ARMC8: variants seen among roughly 807,000 people sequenced by gnomAD.
ARMC8 encodes the protein armadillo repeat containing 8.
ARMC8 carries 20 observed loss-of-function variants against 99.3 expected under a neutral mutation model. The observed-to-expected ratio is 0.20, with a 90% confidence interval of 0.14 to 0.29. The LOEUF (loss-of-function observed/expected upper bound fraction) is 0.29. ARMC8 is among the 10% of genes least tolerant of loss of function. The pLI is 1.00. For missense variants in ARMC8, 569 were observed against 809.5 expected (o/e 0.70, Z 3.60); for synonymous variants, 263 against 278.3 (o/e 0.95, Z 0.55).
At chr3:138,207,102 G>T (rs561679170) in intron 1 of ARMC8, among the ~76,000 whole-genome samples, 1 of 152,262 alleles carries the variant, frequency 6.6e-6, no homozygotes, top group South Asian at 2.1e-4. Context: ...TTGTTTACTT[G>T]TATTGGCTTT....
intron 1 of ARMC8, among the ~76,000 whole-genome samples, chr3:138,191,024 A>G (rs184572642): frequency 1.3e-5 from 2 of 152,362 alleles, no homozygotes; most frequent in East Asian, 1.9e-4. Context: ...AAGTTCAAGG[A>G]TAAGTAAGAA....
At chr3:138,195,280 G>A (rs370800243) in intron 1 of ARMC8, among the ~76,000 whole-genome samples, 15 of 138,830 alleles carry the variant, frequency 1.1e-4, no homozygotes, top group African/African-American at 3.8e-4. Flanking sequence ...GCGAGACTCC[G>A]TCTCAAAAAA....
At chr3:138,206,226 C>G (rs2044364496) in intron 1 of ARMC8, among the ~76,000 whole-genome samples, 2 of 152,170 alleles carry the variant, frequency 1.3e-5, no homozygotes, top group South Asian at 4.1e-4. Context: ...AGTTCCAAAT[C>G]ATTCTTAAAA....
chr3:138,190,677 T>C (rs886890175), intron 1 of ARMC8, among the ~76,000 whole-genome samples: 2 of 152,202 alleles, frequency 1.3e-5, no homozygotes, highest in African/African-American at 2.4e-5. Flanking sequence ...CAAACTCCAG[T>C]AAATCTTATT....
At chr3:138,287,388 A>G (rs2050534651) in intron 19 of ARMC8, among the ~76,000 whole-genome samples, 1 of 152,174 alleles carries the variant, frequency 6.6e-6, no homozygotes, top group South Asian at 2.1e-4. Context: ...TCTCTGTTTA[A>G]GTATTGCCAC....
intron 1 of ARMC8, among the ~76,000 whole-genome samples, chr3:138,205,905 A>G (rs1214842726): frequency 6.6e-6 from 1 of 152,246 alleles, no homozygotes; most frequent in African/African-American, 2.4e-5. Context: ...ACAAAGTTCT[A>G]TACTAGTGCT....
intron 16 of ARMC8, 37 bp from the exon 17 acceptor site, chr3:138,272,930 G>A (rs1560026710): frequency 1.4e-6 from 2 of 1,440,374 alleles, no homozygotes; most frequent in Middle Eastern, 3.6e-4. Flanking sequence ...TAAAGTAAAT[G>A]TAGACATGAT....
At chr3:138,235,540 TTAAAAAG>T (rs1217642371) in intron 7 of ARMC8, among the ~76,000 whole-genome samples, 1 of 152,214 alleles carries the variant, frequency 6.6e-6, no homozygotes, top group Non-Finnish European at 1.5e-5. Context: ...GTATTTTTAG[TTAAAAAG>T]TAAAGAGTTT....
intron 1 of ARMC8, among the ~76,000 whole-genome samples, chr3:138,191,759 A>G (rs962619000): frequency 2.0e-5 from 3 of 152,234 alleles, no homozygotes; most frequent in South Asian, 2.1e-4. Flanking sequence ...ATCATACAGT[A>G]TGTGACTTTT....
intron 2 of ARMC8, among the ~76,000 whole-genome samples, chr3:138,212,454 C>T (rs534400550): frequency 2.8e-4 from 43 of 151,954 alleles, no homozygotes; most frequent in Admixed American, 1.1e-3. Context: ...GGATTACAGG[C>T]GCCCACCACC....
chr3:138,281,512 C>A (rs551331864), intron 18 of ARMC8, among the ~76,000 whole-genome samples: 64 of 152,188 alleles, frequency 4.2e-4, no homozygotes, highest in African/African-American at 1.5e-3. Flanking sequence ...AGGATGGTCT[C>A]AATCTCTTGA....
At chr3:138,260,782 A>C (rs1337547084) in intron 12 of ARMC8, among the ~76,000 whole-genome samples, 1 of 152,156 alleles carries the variant, frequency 6.6e-6, no homozygotes, top group Non-Finnish European at 1.5e-5. Flanking sequence ...TCTTGGCCAC[A>C]CCCAGGGCAA....
intron 17 of ARMC8, 27 bp from the exon 18 acceptor site, chr3:138,274,422 A>T: frequency 6.9e-7 from 1 of 1,444,176 alleles, no homozygotes; most frequent in Non-Finnish European, 9.7e-7. Flanking sequence ...TTTCTTTGAT[A>T]ATTATGGATT....
In ARMC8 at chr3:138,262,574, G is replaced by A. The variant is rs780003984; in HGVS notation, c.1135-1165G>A. On this transcript the variant is annotated intron_variant, in intron 12 of 21. Coordinates refer to ENST00000469044, the MANE Select transcript of ARMC8 (RefSeq NM_001363941.2). ...GTCAGTGATCTTCAACCTTGGCTGT[G>A]TACTGGACTCACCTGAGGAGATTAA... The A allele has an allele frequency of 3.1e-6, 5 of 1,609,608 alleles. No homozygotes were observed. The Admixed American group carries it at 6.7e-5, about 22-fold the overall frequency.
At chr3:138,243,879 T>C (rs1425874028) in intron 11 of ARMC8, among the ~76,000 whole-genome samples, 1 of 152,200 alleles carries the variant, frequency 6.6e-6, no homozygotes, top group Non-Finnish European at 1.5e-5. Flanking sequence ...ATTGGATGAG[T>C]GAACCTTTCC....
At chr3:138,255,210 T>TG (rs1188782943) in intron 12 of ARMC8, among the ~76,000 whole-genome samples, 7 of 147,556 alleles carry the variant, frequency 4.7e-5, no homozygotes, top group Admixed American at 4.7e-4. Context: ...TTTTTTGTTT[T>TG]TTTTTTTTTT....
chr3:138,232,869 T>C (rs1214009208), intron 6 of ARMC8, among the ~76,000 whole-genome samples: 2 of 152,144 alleles, frequency 1.3e-5, no homozygotes, highest in South Asian at 4.1e-4. Context: ...AACAATGAGG[T>C]GCAAGAGGCT....
chr3:138,285,608 T>G (rs992198170), intron 19 of ARMC8, among the ~76,000 whole-genome samples: 11 of 152,224 alleles, frequency 7.2e-5, no homozygotes, highest in Admixed American at 7.2e-4. Context: ...TTATAGATTA[T>G]TCCTCATTAC....
chr3:138,296,125 C>T lies in ARMC8; in HGVS notation c.*233C>T, dbSNP rs745576773. The T allele has an allele frequency of 4.2e-6, 2 of 475,358 alleles. No individual in the cohort carries two copies. The highest frequency in any genetic ancestry group is 7.5e-6 in the Non-Finnish European group (2 of 268,334). 29.4% of individuals were successfully genotyped at this position (475,358 alleles called of 1,614,324 possible). On this transcript the variant is annotated 3_prime_UTR_variant, in exon 22 of 22. Coordinates refer to ENST00000469044, the MANE Select transcript of ARMC8 (RefSeq NM_001363941.2). ...TGTTTTGGTTTTTTTTTCTGAGCTA[C>T]TCGGACTCTTTATTAGAACAATCAA...
Sources: allele counts gnomAD v4.1 joint callset (sites outside exome capture counted in the v4.1 genomes callset), GRCh38; gene constraint gnomAD v4.1.1; transcripts MANE v1.5; gene names NCBI Gene and HGNC (gene_info 2026-07-23, HGNC 2026-07-21).